PLEKHG1: variants seen among roughly 807,000 people sequenced by gnomAD.
PLEKHG1 encodes the protein pleckstrin homology domain-containing family G member 1.
A neutral mutation model predicts 100.8 loss-of-function variants in PLEKHG1; 44 were observed. The observed-to-expected ratio is 0.44, with a 90% confidence interval of 0.34 to 0.56. PLEKHG1 has a LOEUF of 0.56. Among genes scored for constraint, PLEKHG1 ranks in the 20% least tolerant of loss-of-function variants. The pLI is 0.01. For synonymous variants in PLEKHG1, 640 were observed against 662.5 expected (o/e 0.97, Z 0.52); for missense variants, 1,545 against 1,720.9 (o/e 0.90, Z 1.81).
intron 3 of PLEKHG1, among the ~76,000 whole-genome samples, chr6:150,669,281 G>A (rs1779505528): frequency 6.6e-6 from 1 of 152,126 alleles, no homozygotes; most frequent in African/African-American, 2.4e-5. Context: ...GAGTAGGAGT[G>A]AGGAGAAAAG....
chr6:150,698,726 G>A (rs552895456), intron 3 of PLEKHG1, among the ~76,000 whole-genome samples: 1 of 152,320 alleles, frequency 6.6e-6, no homozygotes, highest in Non-Finnish European at 1.5e-5. Flanking sequence ...TTGTTTGTAT[G>A]TCTGGGCAGG....
In PLEKHG1 at chr6:150,700,053, G is replaced by A. The variant is rs557805907; in HGVS notation, c.-98-33531G>A. ...TCCTATTGCTTCAAATTGGTTTTGC[G>A]CTGGGGAAGATGGAGAGGGACATAT... On this transcript the variant is annotated intron_variant, in intron 3 of 3. Coordinates refer to the PLEKHG1 transcript ENST00000367326. Among the ~76,000 whole-genome samples the A allele has an allele frequency of 9.1e-4, 139 of 152,256 alleles. 1 individual carries two copies. Among genetic ancestry groups the A allele is most frequent in the African/African-American group, 3.0e-3 (126 of 41,558 alleles).
chr6:150,665,182 A>C (rs1270983760), intron 3 of PLEKHG1, among the ~76,000 whole-genome samples: 1 of 152,168 alleles, frequency 6.6e-6, no homozygotes, highest in African/African-American at 2.4e-5. Context: ...TTTAGAACAC[A>C]ATCTGTTTGC....
At chr6:150,609,783 A>T (rs534505783) in intron 1 of PLEKHG1, among the ~76,000 whole-genome samples, 11 of 152,274 alleles carry the variant, frequency 7.2e-5, no homozygotes, top group Admixed American at 2.6e-4. Flanking sequence ...ATGGTAGCAG[A>T]GGAGGTGGTG....
chr6:150,616,972 CAAG>C lies in PLEKHG1; in HGVS notation c.-204+16960_-204+16962del, dbSNP rs369754227. Reference sequence around the variant, plus strand: ...ATTGAGGGAGATGTGATTTAAATATCAAGAAGATTAAAAAGAAAATCAAGAACT... The same window carrying C: ...ATTGAGGGAGATGTGATTTAAATATCAAGATTAAAAAGAAAATCAAGAACT... On this transcript the variant is annotated intron_variant, in intron 1 of 3. Coordinates refer to the PLEKHG1 transcript ENST00000367326. Among the ~76,000 whole-genome samples, 729 of 152,224 alleles carry C rather than the reference CAAG, an allele frequency of 4.8e-3. 4 individuals carry two copies. The highest frequency in any genetic ancestry group is 0.016 in the African/African-American group (659 of 41,530).
Position 150,779,344 on chromosome 6 carries a change from G to GTTAGTTTTTTTTTT in PLEKHG1, c.513-7044_513-7043insAGTTTTTTTTTTTT, listed in dbSNP as rs1554272274. On this transcript the variant is annotated intron_variant, in intron 3 of 15. Coordinates refer to ENST00000358517, the Ensembl canonical transcript of PLEKHG1. The stretch of plus-strand genomic sequence containing the variant: ...ACAGGGGGTTAAATATTGTCAAGAA[G>GTTAGTTTTTTTTTT]TTTTTTTTTTTTTTTTTTTGAGACA... Among the ~76,000 whole-genome samples, 225 of 104,518 alleles carry GTTAGTTTTTTTTTT rather than the reference G, an allele frequency of 2.2e-3. 6 individuals are homozygous for GTTAGTTTTTTTTTT. Among genetic ancestry groups the GTTAGTTTTTTTTTT allele is most frequent in the African/African-American group, 9.1e-3 (212 of 23,208 alleles). The allele number at this position is 104,518 out of a possible 152,430, so 68.6% of individuals were successfully genotyped here. A position where few individuals can be genotyped will look rare whatever the true frequency, so the allele number is the denominator to read the frequency against.
At chr6:150,794,956 A>C (rs568796339) in intron 4 of PLEKHG1, among the ~76,000 whole-genome samples, 1 of 152,294 alleles carries the variant, frequency 6.6e-6, no homozygotes, top group South Asian at 2.1e-4. Flanking sequence ...AAAAAAATTA[A>C]AGCTACCTGA....
Position 150,774,879 on chromosome 6 carries a change from T to C in PLEKHG1, c.512+6141T>C, listed in dbSNP as rs1454239511. 9.2e-5 allele frequency among the ~76,000 whole-genome samples: 14 copies of C among 152,094 alleles called. No homozygotes were observed. In the East Asian group the frequency reaches 2.7e-3, roughly 29 times the overall value. On this transcript the variant is annotated intron_variant, in intron 3 of 15. Transcript: ENST00000358517. ...ATTTTTAAAAATTCTTTTTTAAAAT[T>C]AAAAAAAATTTTTTTTCAGACATGT...
At chr6:150,749,437 T>A (rs1010931687) in intron 2 of PLEKHG1, among the ~76,000 whole-genome samples, 7 of 152,076 alleles carry the variant, frequency 4.6e-5, no homozygotes, top group Non-Finnish European at 8.8e-5. Context: ...ACAATTAAGG[T>A]CACTTCCTTG....
chr6:150,838,959 C>A (rs1777371324), intron 15 of PLEKHG1, among the ~76,000 whole-genome samples: 1 of 152,112 alleles, frequency 6.6e-6, no homozygotes, highest in African/African-American at 2.4e-5. Context: ...GACATTGGTT[C>A]CCCAGACAAT....
intron 3 of PLEKHG1, among the ~76,000 whole-genome samples, chr6:150,655,855 A>G (rs527612824): frequency 6.6e-6 from 1 of 152,292 alleles, no homozygotes; most frequent in South Asian, 2.1e-4. Context: ...ACAAGAACAG[A>G]AAACCAAACA....
chr6:150,743,133 C>G (rs2128623724), intron 2 of PLEKHG1, among the ~76,000 whole-genome samples: 1 of 152,282 alleles, frequency 6.6e-6, no homozygotes, highest in East Asian at 1.9e-4. Flanking sequence ...AAACAACCTG[C>G]AGTTTCTGGC....
intron 3 of PLEKHG1, among the ~76,000 whole-genome samples, chr6:150,694,879 TTATCAACA>T (rs926332788): frequency 6.6e-4 from 101 of 152,230 alleles, no homozygotes; most frequent in African/African-American, 2.3e-3. Flanking sequence ...GTAGCTGGAG[TTATCAACA>T]TATCTGCCTT....
intron 7 of PLEKHG1, 129 bp from the exon 9 acceptor site, chr6:150,808,976 A>G: frequency 3.0e-6 from 2 of 667,400 alleles, no homozygotes; most frequent in South Asian, 3.8e-5. Context: ...ACCATCAGAT[A>G]CCACGTAGAT....
At chr6:150,732,346 A>G (rs1469693112) in intron 1 of PLEKHG1, among the ~76,000 whole-genome samples, 2 of 152,206 alleles carry the variant, frequency 1.3e-5, no homozygotes, top group Non-Finnish European at 2.9e-5. Flanking sequence ...TAATAGTATC[A>G]TAACTCCATA....
intron 1 of PLEKHG1, among the ~76,000 whole-genome samples, chr6:150,610,711 G>C (rs1371421588): frequency 6.6e-6 from 1 of 152,136 alleles, no homozygotes; most frequent in East Asian, 1.9e-4. Context: ...CTTTAAAAAG[G>C]TTTCTTTAGA....
At chr6:150,728,243 C>T (rs919358864) in intron 1 of PLEKHG1, among the ~76,000 whole-genome samples, 6 of 144,782 alleles carry the variant, frequency 4.1e-5, no homozygotes, top group Admixed American at 4.0e-4. Flanking sequence ...CATTGTCTGA[C>T]TAAAATATAT....
chr6:150,687,315 T>C (rs1226543486), intron 3 of PLEKHG1, among the ~76,000 whole-genome samples: 1 of 152,204 alleles, frequency 6.6e-6, no homozygotes, highest in East Asian at 1.9e-4. Flanking sequence ...ATGAAAAAGG[T>C]ATACTGGCTT....
At chr6:150,680,610 G>A (rs930068373) in intron 3 of PLEKHG1, among the ~76,000 whole-genome samples, 1 of 152,190 alleles carries the variant, frequency 6.6e-6, no homozygotes, top group Non-Finnish European at 1.5e-5. Flanking sequence ...AAGGGGCCAT[G>A]GTCCCCAAAG....
Sources: allele counts gnomAD v4.1 joint callset (sites outside exome capture counted in the v4.1 genomes callset), GRCh38; gene constraint gnomAD v4.1.1; transcripts MANE v1.5; gene names NCBI Gene and HGNC (gene_info 2026-07-23, HGNC 2026-07-21).